Variants in PRKN observed in about 807,000 individuals in gnomAD.
PRKN encodes the protein parkin RBR E3 ubiquitin protein ligase, also known as E3 ubiquitin-protein ligase parkin.
In PRKN, 56 loss-of-function variants were observed where a neutral mutation model predicts 59.5. The ratio of observed to expected loss-of-function variants is 0.94; its 90% CI spans 0.76 to 1.18. The LOEUF is 1.18. Among genes scored for constraint, PRKN ranks in the 50% most tolerant of loss-of-function variants. The pLI is 0.00. For synonymous variants in PRKN, 250 were observed against 222.1 expected (o/e 1.13, Z -1.12); for missense variants, 657 against 596.4 (o/e 1.10, Z -1.06).
chr6:162,424,227 A>C (rs1249144744), intron 2 of PRKN, among the ~76,000 whole-genome samples: 1 of 152,220 alleles, frequency 6.6e-6, no homozygotes, highest in Non-Finnish European at 1.5e-5. Flanking sequence ...TAAACAGATC[A>C]GCGGTTGCTC....
chr6:162,558,288 A>G (rs1779692660), intron 1 of PRKN, among the ~76,000 whole-genome samples: 1 of 148,454 alleles, frequency 6.7e-6, no homozygotes, highest in Admixed American at 6.7e-5. Context: ...ATTATTTTAC[A>G]TATTTTCACT....
intron 6 of PRKN, among the ~76,000 whole-genome samples, chr6:161,910,491 G>A (rs1029811437): frequency 1.3e-5 from 2 of 152,100 alleles, no homozygotes; most frequent in Non-Finnish European, 2.9e-5. Context: ...CCAACCTCAG[G>A]TGACCCACCC....
chr6:161,954,712 C>T (rs774424666), intron 6 of PRKN, among the ~76,000 whole-genome samples: 2 of 152,142 alleles, frequency 1.3e-5, no homozygotes, highest in Non-Finnish European at 1.5e-5. Flanking sequence ...TAAACCTGAT[C>T]GAGGTTTTTG....
chr6:162,385,284 C>T (rs1281274695), intron 2 of PRKN, among the ~76,000 whole-genome samples: 1 of 152,078 alleles, frequency 6.6e-6, no homozygotes, highest in African/African-American at 2.4e-5. Flanking sequence ...TTATCTGCAA[C>T]CCCTGTACGC....
intron 1 of PRKN, among the ~76,000 whole-genome samples, chr6:162,672,556 A>G: frequency 6.6e-6 from 1 of 152,306 alleles, no homozygotes; most frequent in South Asian, 2.1e-4. Context: ...AAAACTGATT[A>G]AATATTATAT....
At chr6:162,475,647 AC>A (rs1305681863) in intron 1 of PRKN, among the ~76,000 whole-genome samples, 4 of 152,244 alleles carry the variant, frequency 2.6e-5, no homozygotes, top group Non-Finnish European at 5.9e-5. Context: ...AGACACAAGC[AC>A]AGGGCTGCGT....
At chr6:161,389,045 T>C (rs946128016) in intron 9 of PRKN, among the ~76,000 whole-genome samples, 1 of 152,246 alleles carries the variant, frequency 6.6e-6, no homozygotes, top group African/African-American at 2.4e-5. Context: ...TTTTATAGTA[T>C]AAGTTAGGAA....
intron 1 of PRKN, chr6:162,568,425 TG>T: frequency 1.7e-6 from 1 of 585,844 alleles, no homozygotes; most frequent in Non-Finnish European, 3.1e-6. Context: ...TCCACCTCTA[TG>T]GGCAGCAGCA....
At chr6:161,507,527 G>A (rs1778218881) in intron 9 of PRKN, among the ~76,000 whole-genome samples, 1 of 152,136 alleles carries the variant, frequency 6.6e-6, no homozygotes, top group South Asian at 2.1e-4. Context: ...TTGCTAACTA[G>A]CATTCCACTG....
chr6:162,677,485 AAAAC>A (rs1046380929), intron 1 of PRKN, among the ~76,000 whole-genome samples: 7 of 151,484 alleles, frequency 4.6e-5, no homozygotes, highest in Admixed American at 1.3e-4. Flanking sequence ...AAAAAAAAAA[AAAAC>A]ACTCTTTGCA....
rs548424258 is a variant in PRKN at position 161,841,569 on chromosome 6, C to T, written c.735-55661G>A. ...TTCACCATGTTGGCCAGGCTGGTCT[C>T]GAACTCCTGACCTCAGGTGATCTGC... On this transcript the variant is annotated intron_variant, in intron 6 of 11. Transcript: ENST00000366898. Among the ~76,000 whole-genome samples the T allele has an allele frequency of 1.4e-3, 220 of 152,098 alleles. 1 individual carries two copies. Among genetic ancestry groups the T allele is most frequent in the Middle Eastern group, 6.8e-3 (2 of 294 alleles).
intron 7 of PRKN, among the ~76,000 whole-genome samples, chr6:161,679,177 G>A (rs139202192): frequency 4.1e-4 from 62 of 152,300 alleles, no homozygotes; most frequent in Non-Finnish European, 6.6e-4. Context: ...CAGGAGCATC[G>A]CCAAGTGATG....
chr6:162,140,127 C>T (rs1781714231), intron 4 of PRKN, among the ~76,000 whole-genome samples: 1 of 152,088 alleles, frequency 6.6e-6, no homozygotes, highest in Non-Finnish European at 1.5e-5. Flanking sequence ...AAGCATTGTC[C>T]TTGATAATAT....
At chr6:161,852,726 A>T (rs147627435) in intron 6 of PRKN, among the ~76,000 whole-genome samples, 14 of 152,380 alleles carry the variant, frequency 9.2e-5, no homozygotes, top group African/African-American at 2.9e-4. Context: ...AATGTATGTC[A>T]GCAGATGACG....
chr6:162,499,924 C>T (rs1035133498), intron 1 of PRKN, among the ~76,000 whole-genome samples: 4 of 152,024 alleles, frequency 2.6e-5, no homozygotes, highest in African/African-American at 9.7e-5. Context: ...AAAAAGGTTG[C>T]CTTGACAATA....
chr6:162,709,805 G>A (rs76008924), intron 1 of PRKN, among the ~76,000 whole-genome samples: 2,370 of 151,818 alleles, frequency 0.016, 64 homozygotes, highest in African/African-American at 0.053. Context: ...ATCTGGAGAA[G>A]GAAGGAAAAG....
At chr6:162,000,685 T>C (rs907957243) in intron 5 of PRKN, among the ~76,000 whole-genome samples, 1 of 152,068 alleles carries the variant, frequency 6.6e-6, no homozygotes, top group African/African-American at 2.4e-5. Flanking sequence ...ATTTCTTTCA[T>C]GGATTATGCA....
rs539916480 is a variant in PRKN, at chr6:161,483,724, G to A, written c.1083+65130C>T. Among the ~76,000 whole-genome samples, 1 of 152,260 alleles carries A rather than the reference G, an allele frequency of 6.6e-6. No individual in the cohort carries two copies. The highest frequency in any genetic ancestry group is 2.4e-5 in the African/African-American group (1 of 41,536). On this transcript the variant is annotated intron_variant, in intron 9 of 11. Transcript: ENST00000366898. The surrounding 1 kb of genome is among the most constrained non-coding windows in gnomAD (Gnocchi z 5.0). The stretch of plus-strand genomic sequence containing the variant: ...TTTCTTAAGGCATGGGAGTGGCATA[G>A]TGAGATCCTGGCAGGAGCACTGTTC...
chr6:161,387,614 T>A (rs947132928), intron 9 of PRKN, among the ~76,000 whole-genome samples: 1 of 152,236 alleles, frequency 6.6e-6, no homozygotes, highest in Non-Finnish European at 1.5e-5. Flanking sequence ...TTCCCTTTAA[T>A]ATTTGTTTAC....
Sources: gnomAD v4.1 joint callset for allele counts (sites outside exome capture counted in the v4.1 genomes callset) on GRCh38, gnomAD v4.1.1 for gene constraint, Gnocchi (gnomAD v3.1) non-coding constraint, MANE v1.5 for transcripts, NCBI Gene and HGNC (gene_info 2026-07-23, HGNC 2026-07-21) for gene names.